Variants in IL1RAPL1 observed in about 807,000 individuals in gnomAD.
IL1RAPL1 encodes interleukin-1 receptor accessory protein-like 1.
IL1RAPL1 carries 3 observed loss-of-function variants against 48.4 expected under a neutral mutation model. That is an observed-to-expected ratio of 0.06 (90% CI 0.03 to 0.16). IL1RAPL1 has a LOEUF of 0.16. IL1RAPL1 is among the 10% of genes least tolerant of loss of function. The pLI, the probability that IL1RAPL1 is intolerant of heterozygous loss-of-function variation, is 1.00. For synonymous variants in IL1RAPL1, 185 were observed against 187.7 expected, an observed-to-expected ratio of 0.99 and a Z score of 0.12; for missense variants, 349 against 530.6, an observed-to-expected ratio of 0.66 and a Z score of 3.36.
chrX:28,666,603 A>C (rs1167061872), intron 1 of IL1RAPL1, among the ~76,000 whole-genome samples: 1 of 112,302 alleles, frequency 8.9e-6, no homozygotes, highest in East Asian at 2.8e-4. Context: ...AGAGTAGCAA[A>C]GTATGAATGA....
intron 6 of IL1RAPL1, among the ~76,000 whole-genome samples, chrX:29,803,097 A>G (rs1177775940): frequency 1.1e-5 from 1 of 91,917 alleles, no homozygotes; most frequent in Non-Finnish European, 2.1e-5. Flanking sequence ...ATATGTATAC[A>G]TGTATACATA....
chrX:29,184,267 G>T (rs932891002), intron 2 of IL1RAPL1, among the ~76,000 whole-genome samples: 1 of 111,738 alleles, frequency 8.9e-6, no homozygotes, highest in Admixed American at 9.5e-5. Context: ...TCCCAGCAAC[G>T]AATATAGTAT....
chrX:28,997,103 A>G (rs759787755), intron 2 of IL1RAPL1, among the ~76,000 whole-genome samples: 2 of 110,859 alleles, frequency 1.8e-5, no homozygotes, highest in Admixed American at 9.7e-5. Context: ...TCAAGTGCCT[A>G]TTGGTTCAGG....
chrX:29,220,357 A>C (rs1185824028), intron 2 of IL1RAPL1, among the ~76,000 whole-genome samples: 1 of 112,808 alleles, frequency 8.9e-6, no homozygotes, highest in Admixed American at 9.4e-5. Context: ...GAAAAATTAC[A>C]TGAAACATTA....
intron 2 of IL1RAPL1, among the ~76,000 whole-genome samples, chrX:29,191,659 A>AG (rs1212336696): frequency 9.0e-6 from 1 of 111,669 alleles, no homozygotes; most frequent in African/African-American, 3.3e-5. Context: ...AAAGAAATAA[A>AG]GGGGGCAGCA....
At chrX:29,109,365 A>G (rs1458876808) in intron 2 of IL1RAPL1, among the ~76,000 whole-genome samples, 1 of 107,833 alleles carries the variant, frequency 9.3e-6, no homozygotes, top group Non-Finnish European at 1.9e-5. Flanking sequence ...GGGGTAGCTC[A>G]AGGGAAATGA....
chrX:29,170,526 G>T (rs1052012151), intron 2 of IL1RAPL1, among the ~76,000 whole-genome samples: 10 of 111,601 alleles, frequency 9.0e-5, no homozygotes, highest in Non-Finnish European at 1.9e-4. Context: ...TATGATTTCA[G>T]ATAATACAAA....
intron 2 of IL1RAPL1, among the ~76,000 whole-genome samples, chrX:29,106,197 G>A (rs1416491364): frequency 2.7e-5 from 3 of 111,589 alleles, no homozygotes; most frequent in African/African-American, 6.5e-5. Context: ...AAAATTTAGG[G>A]CATGTTCTCA....
chrX:29,394,422 A>T (rs1933896461), intron 3 of IL1RAPL1, among the ~76,000 whole-genome samples: 1 of 112,049 alleles, frequency 8.9e-6, no homozygotes, highest in Admixed American at 9.5e-5. Flanking sequence ...CAAGTCCTTT[A>T]TACTCCAGTC....
At chrX:29,909,580 G>A (rs925075646) in intron 6 of IL1RAPL1, among the ~76,000 whole-genome samples, 1 of 111,825 alleles carries the variant, frequency 8.9e-6, no homozygotes, top group Non-Finnish European at 1.9e-5. Context: ...AATACAGCTA[G>A]CCAGGAGGGT....
At chrX:29,824,660 C>A (rs1930693566) in intron 6 of IL1RAPL1, among the ~76,000 whole-genome samples, 1 of 111,613 alleles carries the variant, frequency 9.0e-6, no homozygotes, top group Admixed American at 9.5e-5. Flanking sequence ...ATTGCAGGTG[C>A]AAGTTATGTT....
At chrX:29,416,710 T>C (rs1225853395) in intron 5 of IL1RAPL1, among the ~76,000 whole-genome samples, 2 of 111,833 alleles carry the variant, frequency 1.8e-5, no homozygotes, top group Non-Finnish European at 3.8e-5. Flanking sequence ...AAAATATTGA[T>C]TAAATTTATT....
At chrX:29,944,818 C>T (rs1017710387) in intron 9 of IL1RAPL1, among the ~76,000 whole-genome samples, 2 of 111,165 alleles carry the variant, frequency 1.8e-5, no homozygotes, top group Admixed American at 9.6e-5. Flanking sequence ...CTTCTGAAGG[C>T]GTAGATCCTT....
intron 5 of IL1RAPL1, among the ~76,000 whole-genome samples, chrX:29,411,425 A>G (rs748921522): frequency 2.1e-4 from 23 of 111,914 alleles, no homozygotes; most frequent in Non-Finnish European, 3.9e-4. Flanking sequence ...ATTTCATTCA[A>G]TTTTCTGGCT....
At chrX:29,813,077 T>A (rs1930412770) in intron 6 of IL1RAPL1, among the ~76,000 whole-genome samples, 1 of 111,752 alleles carries the variant, frequency 8.9e-6, no homozygotes, top group African/African-American at 3.2e-5. Context: ...GAAAAACATA[T>A]GTTTCTCATT....
chrX:29,468,613 G>A (rs989969253), intron 5 of IL1RAPL1, among the ~76,000 whole-genome samples: 3 of 111,532 alleles, frequency 2.7e-5, no homozygotes, highest in Non-Finnish European at 5.6e-5. Flanking sequence ...TCTCTTGTCT[G>A]GTCTTCTTTG....
At chrX:29,936,433 C>T (rs756906428) in intron 8 of IL1RAPL1, among the ~76,000 whole-genome samples, 2 of 107,773 alleles carry the variant, frequency 1.9e-5, no homozygotes, top group South Asian at 4.2e-4. Flanking sequence ...TTATAATGAA[C>T]GAACCAACTT....
At chrX:29,168,731 ATATT>A (rs1171571714) in intron 2 of IL1RAPL1, among the ~76,000 whole-genome samples, 3 of 87,081 alleles carry the variant, frequency 3.4e-5, no homozygotes, top group African/African-American at 1.1e-4. Context: ...TTGTATATAT[ATATT>A]CATATGTACA....
At chrX:29,196,947 A>G (rs1930455322) in intron 2 of IL1RAPL1, among the ~76,000 whole-genome samples, 1 of 110,466 alleles carries the variant, frequency 9.1e-6, no homozygotes, top group African/African-American at 3.3e-5. Context: ...TCCTAATCAT[A>G]GGAGCTGGCT....
Sources: gnomAD v4.1 joint callset for allele counts (sites outside exome capture counted in the v4.1 genomes callset) on GRCh38, gnomAD v4.1.1 for gene constraint, MANE v1.5 for transcripts, NCBI Gene and HGNC (gene_info 2026-07-23, HGNC 2026-07-21) for gene names.